The following DPP10 variants were observed in gnomAD, a reference collection of about 807,000 sequenced individuals.
The protein encoded by DPP10 is inactive dipeptidyl peptidase 10.
A neutral mutation model predicts 120.9 loss-of-function variants in DPP10; 33 were observed. The observed-to-expected ratio is 0.27, with a 90% CI of 0.21 to 0.37. DPP10 has a LOEUF of 0.37. Ranked by LOEUF, DPP10 falls within the 10% of genes least tolerant of loss-of-function variation. The pLI is 1.00. For synonymous variants in DPP10, 337 were observed against 326.1 expected (o/e 1.03, Z -0.36); for missense variants, 816 against 942.8 (o/e 0.87, Z 1.76).
intron 21 of DPP10, among the ~76,000 whole-genome samples, chr2:115,827,412 GTGTATATATATATATATATATA>G (rs1259789258): frequency 7.3e-5 from 6 of 81,936 alleles, no homozygotes; most frequent in Admixed American, 1.5e-4. Flanking sequence ...GTATGTGTGT[GTGTATATATATATATATATATA>G]TATATATATA....
chr2:114,485,734 C>T (rs1249576664), intron 1 of DPP10, among the ~76,000 whole-genome samples: 1 of 152,082 alleles, frequency 6.6e-6, no homozygotes, highest in Admixed American at 6.6e-5. Context: ...CTTTTCTTTT[C>T]CCTTGCCTTA....
At chr2:114,892,077 A>T (rs1333346325) in intron 1 of DPP10, among the ~76,000 whole-genome samples, 1 of 152,206 alleles carries the variant, frequency 6.6e-6, no homozygotes, top group African/African-American at 2.4e-5. Flanking sequence ...GCTGAAAACT[A>T]ATAGTCCCAC....
At chr2:114,757,919 A>G (rs111397293) in intron 1 of DPP10, among the ~76,000 whole-genome samples, 10 of 152,282 alleles carry the variant, frequency 6.6e-5, no homozygotes, top group African/African-American at 2.2e-4. Flanking sequence ...CCATGCAAAT[A>G]CACACAAATA....
intron 9 of DPP10, among the ~76,000 whole-genome samples, chr2:115,741,705 G>T (rs1467057363): frequency 6.6e-6 from 1 of 152,010 alleles, no homozygotes; most frequent in African/African-American, 2.4e-5. Context: ...TCTGTGGAAG[G>T]GACAACTGTT....
intron 1 of DPP10, among the ~76,000 whole-genome samples, chr2:114,988,271 A>G (rs1700545429): frequency 1.3e-5 from 2 of 152,228 alleles, no homozygotes; most frequent in African/African-American, 4.8e-5. Context: ...CCAAATGCCA[A>G]CATAGGGTCC....
Position 115,586,877 on chromosome 2 carries a change from A to G in DPP10, c.441+60905A>G, listed in dbSNP as rs567636373. 1.7e-3 allele frequency among the ~76,000 whole-genome samples: 253 copies of G among 152,042 alleles called. 1 individual carries two copies. The highest frequency in any genetic ancestry group is 5.4e-3 in the African/African-American group (224 of 41,496). On this transcript the variant is annotated intron_variant, in intron 5 of 25. Coordinates refer to ENST00000410059, the MANE Select transcript of DPP10 (RefSeq NM_020868.6). ...AAAACTTTTTTCATTTTTTATTTTAAAATTTTTGACTGACAAATTAAAACT... is the reference window on the plus strand; with the variant it reads ...AAAACTTTTTTCATTTTTTATTTTAGAATTTTTGACTGACAAATTAAAACT...
chr2:114,790,089 G>C (rs940886755), intron 1 of DPP10, among the ~76,000 whole-genome samples: 1 of 152,194 alleles, frequency 6.6e-6, no homozygotes, highest in African/African-American at 2.4e-5. Context: ...GTGCTAATAA[G>C]TGTGAGGTAT....
intron 1 of DPP10, among the ~76,000 whole-genome samples, chr2:114,764,425 G>A (rs966431834): frequency 1.0e-4 from 15 of 150,516 alleles, no homozygotes; most frequent in African/African-American, 3.7e-4. Flanking sequence ...AATTTTAAAT[G>A]TAGGCCTAGA....
intron 5 of DPP10, among the ~76,000 whole-genome samples, chr2:115,680,164 G>T (rs916335699): frequency 6.6e-6 from 1 of 151,696 alleles, no homozygotes; most frequent in African/African-American, 2.4e-5. Flanking sequence ...TAAATGACAA[G>T]AATATTTTAA....
At chr2:115,823,581 G>A (rs116584648) in intron 21 of DPP10, among the ~76,000 whole-genome samples, 1,973 of 152,152 alleles carry the variant, frequency 0.013, 45 homozygotes, top group African/African-American at 0.043. Flanking sequence ...TATTTTTCAC[G>A]TTTCCAGCTT....
chr2:115,777,547 G>A (rs891539258), intron 14 of DPP10, among the ~76,000 whole-genome samples: 2 of 152,128 alleles, frequency 1.3e-5, no homozygotes, highest in Admixed American at 6.6e-5. Context: ...TATGAAAAAG[G>A]ATGATTTTAT....
chr2:114,765,922 T>C (rs765364492), intron 1 of DPP10, among the ~76,000 whole-genome samples: 1 of 152,134 alleles, frequency 6.6e-6, no homozygotes, highest in African/African-American at 2.4e-5. Flanking sequence ...TTATTCTTTT[T>C]TGCCTCTCAG....
At chr2:115,336,366 A>C (rs1488941751) in intron 2 of DPP10, among the ~76,000 whole-genome samples, 2 of 152,012 alleles carry the variant, frequency 1.3e-5, no homozygotes, top group East Asian at 3.9e-4. Flanking sequence ...ATTCTACAAT[A>C]CCTTGTAACT....
At chr2:114,930,526 C>A (rs984077570) in intron 1 of DPP10, among the ~76,000 whole-genome samples, 3 of 152,218 alleles carry the variant, frequency 2.0e-5, no homozygotes, top group Non-Finnish European at 4.4e-5. Flanking sequence ...CTTTGCTTTA[C>A]TTTCCAGTAA....
At chr2:115,730,436 G>T (rs765376508) in intron 8 of DPP10, among the ~76,000 whole-genome samples, 1 of 152,100 alleles carries the variant, frequency 6.6e-6, no homozygotes, top group East Asian at 1.9e-4. Context: ...GAGAAGACTA[G>T]ATTAGCAGCA....
chr2:115,039,363 A>C (rs10184026), intron 1 of DPP10, among the ~76,000 whole-genome samples: 2,711 of 152,348 alleles, frequency 0.018, 74 homozygotes, highest in African/African-American at 0.063. Flanking sequence ...ATTGTCAAAC[A>C]TAGTGAAATC....
At position 114,750,575 on chromosome 2, in the gene DPP10, C is replaced by T. The variant is rs375562372; in HGVS notation, c.60+307737C>T. ...GTCTCGATCTCCTAACCTCGTGATC[C>T]GCCCGCCTCAGCCTCCCAAAGTGCT... is the stretch of plus-strand genomic sequence containing the variant. On this transcript the variant is annotated intron_variant, in intron 1 of 25. Coordinates refer to ENST00000410059, the MANE Select transcript of DPP10 (RefSeq NM_020868.6). Among the ~76,000 whole-genome samples, 27 of 152,256 alleles carry T rather than the reference C, an allele frequency of 1.8e-4. No homozygotes were observed. The East Asian group carries it at 2.5e-3, about 14-fold the overall frequency.
chr2:115,740,234 A>T (rs1453782112), intron 9 of DPP10, among the ~76,000 whole-genome samples: 1 of 152,052 alleles, frequency 6.6e-6, no homozygotes, highest in Non-Finnish European at 1.5e-5. Context: ...CTATTCCATA[A>T]TAGGTGTTAC....
chr2:114,866,858 A>G (rs1690280486), intron 1 of DPP10, among the ~76,000 whole-genome samples: 1 of 152,200 alleles, frequency 6.6e-6, no homozygotes. Flanking sequence ...AACCCCCTCA[A>G]GTATATCTAA....
Sources: allele counts gnomAD v4.1 joint callset (sites outside exome capture counted in the v4.1 genomes callset), GRCh38; gene constraint gnomAD v4.1.1; transcripts MANE v1.5; gene names NCBI Gene and HGNC (gene_info 2026-07-23, HGNC 2026-07-21).